PLPP4: variants seen among roughly 807,000 people sequenced by gnomAD.
The protein encoded by PLPP4 is diacylglycerol pyrophosphate like 2.
In PLPP4, 20 loss-of-function variants were observed where a neutral mutation model predicts 32.2. The observed-to-expected ratio is 0.62, with a 90% CI of 0.44 to 0.90. The LOEUF (loss-of-function observed/expected upper bound fraction) is 0.90, where lower values mean the gene tolerates loss of function less well. Among genes scored for constraint, PLPP4 ranks in the 40% least tolerant of loss-of-function variants. The pLI, the probability that PLPP4 is intolerant of heterozygous loss-of-function variation, is 0.00. For missense variants in PLPP4, 257 were observed against 353.1 expected, an observed-to-expected ratio of 0.73 and a Z score of 2.18; for synonymous variants, 127 against 133.0, an observed-to-expected ratio of 0.95 and a Z score of 0.31.
At chr10:120,572,289 C>T (rs1320015798) in intron 5 of PLPP4, among the ~76,000 whole-genome samples, 1 of 152,248 alleles carries the variant, frequency 6.6e-6, no homozygotes, top group Admixed American at 6.5e-5. Context: ...CTGAGGATCT[C>T]ACCTCGAACC....
chr10:120,581,207 C>T, intron 6 of PLPP4: 2 of 985,430 alleles, frequency 2.0e-6, no homozygotes, highest in Non-Finnish European at 2.4e-6. Context: ...TGATTGCTCC[C>T]AAGTCTCACT....
intron 5 of PLPP4, among the ~76,000 whole-genome samples, chr10:120,547,429 T>A (rs1169811929): frequency 6.6e-6 from 1 of 152,122 alleles, no homozygotes; most frequent in African/African-American, 2.4e-5. Flanking sequence ...CGTTGAAAAT[T>A]GTGTATGTGT....
intron 6 of PLPP4, among the ~76,000 whole-genome samples, chr10:120,583,863 A>G (rs1392578016): frequency 1.3e-5 from 2 of 152,200 alleles, no homozygotes; most frequent in Non-Finnish European, 2.9e-5. Context: ...GGGGAGATAG[A>G]TTCAGAAACA....
In PLPP4 at chr10:120,583,355, C is replaced by T. The variant is rs145537682; in HGVS notation, c.617-5948C>T. 6.2e-3 allele frequency among the ~76,000 whole-genome samples: 943 copies of T among 152,020 alleles called. 7 individuals are homozygous for T. Among genetic ancestry groups the T allele is most frequent in the Non-Finnish European group, 9.6e-3 (650 of 67,982 alleles). On this transcript the variant is annotated intron_variant, in intron 6 of 6. Coordinates refer to ENST00000398250, the MANE Select transcript of PLPP4 (RefSeq NM_001030059.3). ...AATGTTATAGGTAAGGATTCAGATC[C>T]AGGCTGCCTGATTGAAAGTCACTCT...
Position 120,584,161 on chromosome 10 carries a change from C to T in PLPP4, c.617-5142C>T, listed in dbSNP as rs146528143. 2.4e-3 allele frequency among the ~76,000 whole-genome samples: 370 copies of T among 152,308 alleles called. 7 individuals are homozygous for T. The highest frequency in any genetic ancestry group is 8.4e-3 in the African/African-American group (348 of 41,564). On this transcript the variant is annotated intron_variant, in intron 6 of 6. Coordinates refer to ENST00000398250, the MANE Select transcript of PLPP4 (RefSeq NM_001030059.3). ...CCCTTCTCTCTGCCTGGAAAACCAC[C>T]AGTGCCCTCTTTTCCTCTACTTCTC...
chr10:120,477,769 T>C (rs1487341232), intron 1 of PLPP4, among the ~76,000 whole-genome samples: 1 of 152,166 alleles, frequency 6.6e-6, no homozygotes, highest in African/African-American at 2.4e-5. Context: ...GCCTGGCACA[T>C]AGTAGATACT....
chr10:120,516,674 CAGTGCTGT>C (rs1845946976), intron 3 of PLPP4, among the ~76,000 whole-genome samples: 1 of 152,204 alleles, frequency 6.6e-6, no homozygotes, highest in Non-Finnish European at 1.5e-5. Context: ...CTGAAACCCA[CAGTGCTGT>C]GGGATGCTGT....
intron 5 of PLPP4, among the ~76,000 whole-genome samples, chr10:120,564,442 T>C (rs1273530928): frequency 2.0e-5 from 3 of 151,896 alleles, no homozygotes; most frequent in Admixed American, 2.0e-4. Flanking sequence ...TTTAAAATTG[T>C]TGGACACAAA....
At chr10:120,541,203 T>G (rs1847326174) in intron 5 of PLPP4, among the ~76,000 whole-genome samples, 1 of 152,248 alleles carries the variant, frequency 6.6e-6, no homozygotes, top group African/African-American at 2.4e-5. Flanking sequence ...GACCTGAGTT[T>G]GACCTGGTTC....
chr10:120,494,907 G>A (rs1404626868), intron 1 of PLPP4, among the ~76,000 whole-genome samples: 1 of 152,152 alleles, frequency 6.6e-6, no homozygotes. Context: ...CCCAAGTAAG[G>A]TCATATCTCT....
chr10:120,556,452 G>A (rs1848170013), intron 5 of PLPP4, among the ~76,000 whole-genome samples: 1 of 152,216 alleles, frequency 6.6e-6, no homozygotes, highest in Admixed American at 6.5e-5. Context: ...AATGCAGGGA[G>A]TGTTCAGATT....
chr10:120,500,502 T>G (rs1035233298), intron 1 of PLPP4, among the ~76,000 whole-genome samples: 1 of 152,174 alleles, frequency 6.6e-6, no homozygotes, highest in Admixed American at 6.5e-5. Flanking sequence ...GAATCTAGAC[T>G]GAGCTTAGGA....
intron 1 of PLPP4, among the ~76,000 whole-genome samples, chr10:120,481,629 G>C (rs1386481854): frequency 6.6e-6 from 1 of 152,144 alleles, no homozygotes; most frequent in Non-Finnish European, 1.5e-5. Flanking sequence ...AAAGGTGTCT[G>C]GTGCTCTGTG....
chr10:120,553,743 C>T (rs958491541), intron 5 of PLPP4, among the ~76,000 whole-genome samples: 45 of 152,222 alleles, frequency 3.0e-4, no homozygotes, highest in African/African-American at 9.6e-4. Context: ...CAAGGAATAG[C>T]CTGAGCTATA....
rs1217795794 is a variant in PLPP4, at chr10:120,518,877, A to G, written c.301A>G (p.Ile101Val). Residue 101 changes from isoleucine to valine, a missense_variant, in exon 4 of 7, where the codon ATT becomes GTT. Coordinates refer to ENST00000398250, the MANE Select transcript of PLPP4 (RefSeq NM_001030059.3). The part of the protein sequence containing the change: ...LALNGVCTNT[I>V]KLIVGRPRPD... Reference sequence around the variant, plus strand: ...TTTGAATGGAGTCTGCACAAACACTATTAAATTAATAGTGGGAAGGTAAGT... The same window carrying G: ...TTTGAATGGAGTCTGCACAAACACTGTTAAATTAATAGTGGGAAGGTAAGT... The G allele has an allele frequency of 1.2e-6, 2 of 1,611,902 alleles. No homozygotes were observed. The highest frequency in any genetic ancestry group is 1.7e-6 in the Non-Finnish European group (2 of 1,178,858).
chr10:120,522,615 G>A (rs763148014), intron 5 of PLPP4, among the ~76,000 whole-genome samples: 2 of 152,166 alleles, frequency 1.3e-5, no homozygotes, highest in African/African-American at 2.4e-5. Flanking sequence ...TGTTGGAAAC[G>A]GTGGTGAGTT....
chr10:120,499,273 T>C (rs1845122283), intron 1 of PLPP4, among the ~76,000 whole-genome samples: 1 of 152,124 alleles, frequency 6.6e-6, no homozygotes, highest in Admixed American at 6.5e-5. Flanking sequence ...TGCTGTGCCT[T>C]TTCATTTTGT....
chr10:120,546,463 A>G lies in PLPP4; in HGVS notation c.445+25368A>G, dbSNP rs79618330. On this transcript the variant is annotated intron_variant, in intron 5 of 6. Transcript: ENST00000398250. ...TCAGAATCACTCATCAATTCCTTTA[A>G]TAACTCGCTGGGGAATTCTAACCTG... Among the ~76,000 whole-genome samples the G allele has an allele frequency of 4.4e-3, 666 of 152,260 alleles. 1 individual carries two copies. Among genetic ancestry groups the G allele is most frequent in the Non-Finnish European group, 7.1e-3 (484 of 68,028 alleles).
chr10:120,470,700 T>C (rs939859923), intron 1 of PLPP4, among the ~76,000 whole-genome samples: 5 of 152,208 alleles, frequency 3.3e-5, no homozygotes, highest in Non-Finnish European at 7.3e-5. Flanking sequence ...ATTTGCCTGG[T>C]ATTGTCTCAA....
Sources: gnomAD v4.1 joint callset for allele counts (sites outside exome capture counted in the v4.1 genomes callset) on GRCh38, gnomAD v4.1.1 for gene constraint, MANE v1.5 for transcripts, NCBI Gene and HGNC (gene_info 2026-07-23, HGNC 2026-07-21) for gene names.